The following FAM227B variants were observed in gnomAD, a reference collection of about 807,000 sequenced individuals.
The protein encoded by FAM227B is protein FAM227B.
A neutral mutation model predicts 73.8 loss-of-function variants in FAM227B; 88 were observed. That is an observed-to-expected ratio of 1.19 (90% CI 1.00 to 1.42). FAM227B has a LOEUF of 1.42. Among genes scored for constraint, FAM227B ranks in the 40% most tolerant of loss-of-function variants. FAM227B has a pLI of 0.00. For synonymous variants in FAM227B, 210 were observed against 190.5 expected (o/e 1.10, Z -0.84); for missense variants, 632 against 590.9 (o/e 1.07, Z -0.72).
intron 2 of FAM227B, 82 bp downstream of exon 2, chr15:49,615,039 T>C (rs1033484245): frequency 2.3e-6 from 3 of 1,297,960 alleles, no homozygotes; most frequent in South Asian, 2.4e-5. Flanking sequence ...AAGCCAGCTC[T>C]ACCTGGGAGC....
intron 13 of FAM227B, among the ~76,000 whole-genome samples, chr15:49,354,541 G>A (rs2042774748): frequency 6.6e-6 from 1 of 152,318 alleles, no homozygotes; most frequent in Middle Eastern, 3.4e-3. Flanking sequence ...TTTCCGACCG[G>A]CTTAAAAAAC....
intron 3 of FAM227B, among the ~76,000 whole-genome samples, chr15:49,595,046 C>A (rs991889547): frequency 3.3e-5 from 5 of 151,904 alleles, no homozygotes; most frequent in Non-Finnish European, 5.9e-5. Context: ...TTGATTCTAC[C>A]CACCATGAAT....
At chr15:49,542,790 T>A (rs2071267895) in intron 9 of FAM227B, among the ~76,000 whole-genome samples, 1 of 151,442 alleles carries the variant, frequency 6.6e-6, no homozygotes, top group African/African-American at 2.4e-5. Flanking sequence ...AGGGGACATG[T>A]GCTGGTTTCT....
chr15:49,332,515 G>T (rs1034532383), intron 14 of FAM227B, among the ~76,000 whole-genome samples: 4 of 152,130 alleles, frequency 2.6e-5, no homozygotes, highest in African/African-American at 9.7e-5. Flanking sequence ...GAAGCAGCAG[G>T]AACCTTTCCA....
chr15:49,538,273 C>T (rs1261388128), intron 10 of FAM227B, among the ~76,000 whole-genome samples: 1 of 152,146 alleles, frequency 6.6e-6, no homozygotes, highest in Non-Finnish European at 1.5e-5. Context: ...TGTTTTTCCT[C>T]CTTTTCCTCA....
chr15:49,603,100 T>C (rs1335258322), intron 3 of FAM227B, among the ~76,000 whole-genome samples: 1 of 152,314 alleles, frequency 6.6e-6, no homozygotes, highest in African/African-American at 2.4e-5. Flanking sequence ...TTTACTCTTT[T>C]GCTTAGAATA....
chr15:49,342,749 C>A (rs367922350), intron 13 of FAM227B, among the ~76,000 whole-genome samples: 2 of 152,070 alleles, frequency 1.3e-5, no homozygotes, highest in Non-Finnish European at 2.9e-5. Flanking sequence ...TTAGTGCTTG[C>A]GTGTCTGGAA....
chr15:49,392,695 T>G (rs186633762), intron 11 of FAM227B, among the ~76,000 whole-genome samples: 1 of 152,326 alleles, frequency 6.6e-6, no homozygotes, highest in East Asian at 1.9e-4. Context: ...CTCAAATCTT[T>G]GAGGATGATT....
At chr15:49,457,733 A>T (rs948277701) in intron 11 of FAM227B, among the ~76,000 whole-genome samples, 2 of 151,914 alleles carry the variant, frequency 1.3e-5, no homozygotes, top group African/African-American at 4.8e-5. Context: ...ATAGATGACA[A>T]GTTTTGAGGC....
chr15:49,402,616 T>C (rs2048245588), intron 11 of FAM227B, among the ~76,000 whole-genome samples: 1 of 152,206 alleles, frequency 6.6e-6, no homozygotes, highest in South Asian at 2.1e-4. Context: ...ATGATAGCAA[T>C]TTTTGCACAT....
intron 11 of FAM227B, among the ~76,000 whole-genome samples, chr15:49,494,195 T>C (rs1193999809): frequency 6.6e-6 from 1 of 151,580 alleles, no homozygotes; most frequent in African/African-American, 2.4e-5. Context: ...AATATAAATA[T>C]GCATATATTA....
At chr15:49,613,962 A>C (rs1479454786) in intron 2 of FAM227B, among the ~76,000 whole-genome samples, 1 of 152,242 alleles carries the variant, frequency 6.6e-6, no homozygotes, top group Non-Finnish European at 1.5e-5. Context: ...TAATATCTCT[A>C]GCTTCATGGG....
At chr15:49,437,618 T>A (rs892506740) in intron 11 of FAM227B, among the ~76,000 whole-genome samples, 3 of 151,856 alleles carry the variant, frequency 2.0e-5, no homozygotes, top group East Asian at 3.9e-4. Context: ...AACTTTAGGT[T>A]CTTTCAGTGT....
intron 5 of FAM227B, among the ~76,000 whole-genome samples, chr15:49,581,122 G>C (rs2075782030): frequency 1.3e-5 from 2 of 152,064 alleles, no homozygotes; most frequent in Admixed American, 6.5e-5. Flanking sequence ...GAAACACAGA[G>C]AGAACCCTTG....
In FAM227B at chr15:49,556,572, G is replaced by C. The variant is rs537133538; in HGVS notation, c.747+11673C>G. Among the ~76,000 whole-genome samples, 3 of 152,204 alleles carry C rather than the reference G, an allele frequency of 2.0e-5. 1 individual carries two copies. Among genetic ancestry groups the C allele is most frequent in the African/African-American group, 7.2e-5 (3 of 41,472 alleles). ...GGCCAGGCACTGTTTGCCACTGCAA[G>C]AGCTTTAATGTAGGCCCCCGGGAGG... On this transcript the variant is annotated intron_variant, in intron 9 of 15. Coordinates refer to ENST00000299338, the MANE Select transcript of FAM227B (RefSeq NM_152647.3).
intron 10 of FAM227B, among the ~76,000 whole-genome samples, chr15:49,512,005 G>A (rs1410401837): frequency 6.6e-6 from 1 of 152,042 alleles, no homozygotes; most frequent in African/African-American, 2.4e-5. Flanking sequence ...GAACAGAACT[G>A]GGTGGGGGCT....
intron 11 of FAM227B, among the ~76,000 whole-genome samples, chr15:49,489,857 A>ATT (rs368097700): frequency 6.8e-5 from 1 of 14,658 alleles, no homozygotes; most frequent in African/African-American, 1.9e-4. Context: ...ATATATATAT[A>ATT]TTTTATATAT....
chr15:49,375,030 T>C (rs977198343), intron 11 of FAM227B, among the ~76,000 whole-genome samples: 1 of 152,130 alleles, frequency 6.6e-6, no homozygotes, highest in African/African-American at 2.4e-5. Flanking sequence ...TACAGATCCA[T>C]CCTCCCACCT....
At chr15:49,582,057 A>C (rs948603575) in intron 5 of FAM227B, among the ~76,000 whole-genome samples, 1 of 152,162 alleles carries the variant, frequency 6.6e-6, no homozygotes. Flanking sequence ...TGACACTATA[A>C]AGCAACCACA....
Sources: allele counts gnomAD v4.1 joint callset (sites outside exome capture counted in the v4.1 genomes callset), GRCh38; gene constraint gnomAD v4.1.1; transcripts MANE v1.5; gene names NCBI Gene and HGNC (gene_info 2026-07-23, HGNC 2026-07-21).